Variants in ARHGAP22 observed in about 807,000 individuals in gnomAD.
ARHGAP22 encodes the protein rho GTPase-activating protein 22.
ARHGAP22 carries 48 observed loss-of-function variants against 59.1 expected under a neutral mutation model. The ratio of observed to expected loss-of-function variants is 0.81; its 90% CI spans 0.64 to 1.03. The LOEUF (loss-of-function observed/expected upper bound fraction) is 1.03, where lower values mean the gene tolerates loss of function less well. ARHGAP22 is among the 50% of genes least tolerant of loss of function. The pLI is 0.00. For missense variants in ARHGAP22, 1,015 were observed against 958.7 expected (o/e 1.06, Z -0.78); for synonymous variants, 445 against 416.4 (o/e 1.07, Z -0.84).
intron 4 of ARHGAP22, among the ~76,000 whole-genome samples, chr10:48,470,050 C>T (rs2048086830): frequency 6.6e-6 from 1 of 152,192 alleles, no homozygotes; most frequent in Non-Finnish European, 1.5e-5. Flanking sequence ...TCAGCAGGGA[C>T]ACAGAGTCCA....
intron 3 of ARHGAP22, among the ~76,000 whole-genome samples, chr10:48,480,979 C>T (rs895285169): frequency 3.9e-5 from 6 of 152,220 alleles, no homozygotes; most frequent in African/African-American, 7.2e-5. Context: ...GGCACCACAG[C>T]GGGCCCGTGG....
intron 2 of ARHGAP22, among the ~76,000 whole-genome samples, chr10:48,558,784 T>C (rs892106241): frequency 1.3e-5 from 2 of 152,232 alleles, no homozygotes; most frequent in Admixed American, 6.5e-5. Context: ...ACCATTTTTC[T>C]GATGCTGAGA....
At chr10:48,547,378 G>C (rs568010981) in intron 3 of ARHGAP22, among the ~76,000 whole-genome samples, 1 of 152,254 alleles carries the variant, frequency 6.6e-6, no homozygotes, top group African/African-American at 2.4e-5. Context: ...GCCTCCTATT[G>C]CCTGCAGGAT....
At chr10:48,507,540 A>AC (rs1040602109) in intron 3 of ARHGAP22, among the ~76,000 whole-genome samples, 18 of 152,320 alleles carry the variant, frequency 1.2e-4, no homozygotes, top group Admixed American at 1.2e-3. Context: ...AGGGTGAGCA[A>AC]CATCAACATA....
Position 48,451,066 on chromosome 10 carries a change from C to CCGGGA in ARHGAP22, c.1058_1062dup (p.Glu355SerfsTer110). ...CCCCCGCGCGGGGAGGTGGGCCCTT[C>CCGGGA]CGGGACCGGTGCCGTGAAGAGCTGG... On this transcript the variant is annotated frameshift_variant, in exon 9 of 10. Coordinates refer to ENST00000249601, the MANE Select transcript of ARHGAP22 (RefSeq NM_021226.4). LOFTEE classifies it high-confidence loss of function. 1 of 1,552,378 alleles carries CCGGGA rather than the reference C, an allele frequency of 6.4e-7. No individual in the cohort carries two copies. Among genetic ancestry groups the CCGGGA allele is most frequent in the South Asian group, 1.2e-5 (1 of 84,148 alleles).
intron 4 of ARHGAP22, among the ~76,000 whole-genome samples, chr10:48,467,853 G>A (rs1021918123): frequency 6.6e-6 from 1 of 152,130 alleles, no homozygotes; most frequent in Non-Finnish European, 1.5e-5. Context: ...GGGATTTGCG[G>A]CCCTGGGGCT....
At chr10:48,480,858 G>C (rs1292018696) in intron 3 of ARHGAP22, among the ~76,000 whole-genome samples, 2 of 152,222 alleles carry the variant, frequency 1.3e-5, no homozygotes, top group Non-Finnish European at 2.9e-5. Flanking sequence ...CCCGACTCTG[G>C]GCTCTCAGCC....
intron 3 of ARHGAP22, among the ~76,000 whole-genome samples, chr10:48,506,851 C>T (rs1263047957): frequency 6.6e-6 from 1 of 152,138 alleles, no homozygotes; most frequent in East Asian, 1.9e-4. Flanking sequence ...TCTTATTTTT[C>T]CATTTTCTGC....
intron 3 of ARHGAP22, among the ~76,000 whole-genome samples, chr10:48,537,576 T>C (rs1028731378): frequency 7.2e-5 from 11 of 152,222 alleles, no homozygotes; most frequent in Non-Finnish European, 1.6e-4. Context: ...CACTGCTGTA[T>C]TCCAAAATGT....
Position 48,613,700 on chromosome 10 carries a change from G to T in ARHGAP22, c.53-30548C>A, listed in dbSNP as rs181772128. ...AAAAAAAAAAGAATAGAAAAATAGA[G>T]AGGCCAGGACCAAACTATGAGAACC... On this transcript the variant is annotated intron_variant, in intron 1 of 9. Coordinates refer to the ARHGAP22 transcript ENST00000435790. Among the ~76,000 whole-genome samples, 218 of 151,742 alleles carry T rather than the reference G, an allele frequency of 1.4e-3. 1 individual carries two copies. Among genetic ancestry groups the T allele is most frequent in the Non-Finnish European group, 2.4e-4 (16 of 67,940 alleles).
At chr10:48,627,589 C>T (rs535108422) in intron 1 of ARHGAP22, among the ~76,000 whole-genome samples, 7 of 152,332 alleles carry the variant, frequency 4.6e-5, no homozygotes, top group South Asian at 4.1e-4. Context: ...AGAGAGCCGG[C>T]GCTCCACACT....
At chr10:48,599,803 C>T (rs1412548365) in intron 1 of ARHGAP22, among the ~76,000 whole-genome samples, 1 of 152,172 alleles carries the variant, frequency 6.6e-6, no homozygotes, top group Non-Finnish European at 1.5e-5. Context: ...GAGTGGGTGG[C>T]CTGTCTCCAC....
chr10:48,581,777 T>C (rs1479429667), intron 2 of ARHGAP22, among the ~76,000 whole-genome samples: 1 of 152,230 alleles, frequency 6.6e-6, no homozygotes, highest in Admixed American at 6.5e-5. Context: ...TACGGTATTT[T>C]AGAAAGGAAA....
At chr10:48,457,284 C>T (rs191984298) in intron 5 of ARHGAP22, among the ~76,000 whole-genome samples, 26 of 152,300 alleles carry the variant, frequency 1.7e-4, no homozygotes, top group Admixed American at 3.3e-4. Context: ...CCCACTTCCT[C>T]GACCTGCCCC....
chr10:48,535,348 G>A (rs996773443), intron 3 of ARHGAP22, among the ~76,000 whole-genome samples: 2 of 152,218 alleles, frequency 1.3e-5, no homozygotes, highest in African/African-American at 2.4e-5. Flanking sequence ...GGAAGAGGGA[G>A]TGGGGCTGCT....
chr10:48,614,537 G>A (rs1471281995), intron 1 of ARHGAP22, among the ~76,000 whole-genome samples: 1 of 152,220 alleles, frequency 6.6e-6, no homozygotes, highest in East Asian at 1.9e-4. Context: ...AATGGTGTCA[G>A]TTAAAATGGC....
intron 1 of ARHGAP22, among the ~76,000 whole-genome samples, chr10:48,593,127 C>T (rs888499728): frequency 8.5e-5 from 13 of 152,298 alleles, no homozygotes; most frequent in African/African-American, 1.9e-4. Flanking sequence ...TGGGCCCTCC[C>T]GGATGCCCTA....
At chr10:48,637,822 A>C (rs1477517229) in intron 1 of ARHGAP22, among the ~76,000 whole-genome samples, 1 of 152,194 alleles carries the variant, frequency 6.6e-6, no homozygotes, top group Non-Finnish European at 1.5e-5. Flanking sequence ...CTTCACCTAC[A>C]TTCCCCTCCC....
chr10:48,434,410 C>A, the ARHGAP22 span, among the ~76,000 whole-genome samples: 3 of 152,118 alleles, frequency 2.0e-5, no homozygotes, highest in African/African-American at 7.2e-5. Context: ...AAATTTGAAT[C>A]ATTTGAATTT....
Sources: allele counts gnomAD v4.1 joint callset (sites outside exome capture counted in the v4.1 genomes callset), GRCh38; gene constraint gnomAD v4.1.1; transcripts MANE v1.5; gene names NCBI Gene and HGNC (gene_info 2026-07-23, HGNC 2026-07-21).